Variants in TASP1 observed in about 807,000 individuals in gnomAD.
TASP1 encodes taspase 1.
Under a neutral mutation model 56.6 loss-of-function variants are expected in TASP1, and 16 were observed. The ratio of observed to expected loss-of-function variants is 0.28; its 90% CI spans 0.19 to 0.43. The LOEUF (loss-of-function observed/expected upper bound fraction) is 0.43, where lower values mean the gene tolerates loss of function less well. Among genes scored for constraint, TASP1 ranks in the 20% least tolerant of loss-of-function variants. The pLI is 1.00. For missense variants in TASP1, 393 were observed against 511.6 expected (o/e 0.77, Z 2.24); for synonymous variants, 179 against 184.2 (o/e 0.97, Z 0.23).
Position 13,437,770 on chromosome 20 carries a change from G to A in TASP1, c.986-2616C>T, listed in dbSNP as rs574170169. The stretch of plus-strand genomic sequence containing the variant: ...AACTCCCATTCACAATTGCTTCAGA[G>A]AGAATAAAATACCTAGGAATACAAC... On this transcript the variant is annotated intron_variant, in intron 11 of 13. Coordinates refer to ENST00000337743, the MANE Select transcript of TASP1 (RefSeq NM_017714.3). Among the ~76,000 whole-genome samples, 4 of 152,312 alleles carry A rather than the reference G, an allele frequency of 2.6e-5. No individual in the cohort carries two copies. The South Asian group carries it at 8.3e-4, about 32-fold the overall frequency.
Position 13,604,631 on chromosome 20 carries a change from G to A in TASP1, c.283-17261C>T, listed in dbSNP as rs146936805. The stretch of plus-strand genomic sequence containing the variant: ...CAGCTATCACAATAGTTCCTCCCTT[G>A]AATAAAGTCTGCCTTACCACCTTTC... On this transcript the variant is annotated intron_variant, in intron 4 of 13. Coordinates refer to ENST00000337743, the MANE Select transcript of TASP1 (RefSeq NM_017714.3). Among the ~76,000 whole-genome samples, 287 of 152,150 alleles carry A rather than the reference G, an allele frequency of 1.9e-3. 1 individual carries two copies. Among genetic ancestry groups the A allele is most frequent in the African/African-American group, 6.7e-3 (277 of 41,510 alleles).
intron 4 of TASP1, among the ~76,000 whole-genome samples, chr20:13,600,125 T>C (rs1425020001): frequency 4.6e-5 from 7 of 152,198 alleles, no homozygotes; most frequent in Non-Finnish European, 8.8e-5. Context: ...TTGAGAGATA[T>C]TTTTTAAATC....
At chr20:13,519,924 T>A (rs8120175) in intron 10 of TASP1, among the ~76,000 whole-genome samples, 6,978 of 152,248 alleles carry the variant, frequency 0.046, 289 homozygotes, top group African/African-American at 0.1. Context: ...TTCAGCAAAG[T>A]CTCAGGATAC....
intron 11 of TASP1, among the ~76,000 whole-genome samples, chr20:13,469,985 T>A (rs1265884850): frequency 1.3e-5 from 2 of 151,740 alleles, no homozygotes; most frequent in African/African-American, 4.8e-5. Context: ...ATTCTTGTAT[T>A]TTTAGTAGAG....
At chr20:13,527,566 C>T (rs2045030719) in intron 10 of TASP1, among the ~76,000 whole-genome samples, 1 of 152,104 alleles carries the variant, frequency 6.6e-6, no homozygotes, top group Non-Finnish European at 1.5e-5. Flanking sequence ...ACCATTCTGC[C>T]TATTAAAACT....
chr20:13,567,948 A>G (rs2046592804), intron 7 of TASP1, among the ~76,000 whole-genome samples: 1 of 152,146 alleles, frequency 6.6e-6, no homozygotes, highest in Non-Finnish European at 1.5e-5. Flanking sequence ...AAAAAAAGGG[A>G]ACTGACAGAT....
chr20:13,404,408 C>T (rs935053286), intron 13 of TASP1, among the ~76,000 whole-genome samples: 1 of 152,074 alleles, frequency 6.6e-6, no homozygotes, highest in African/African-American at 2.4e-5. Flanking sequence ...TTTGAGATTA[C>T]GCCAGCCTGG....
chr20:13,590,354 A>G (rs1235050088), intron 4 of TASP1, among the ~76,000 whole-genome samples: 1 of 152,222 alleles, frequency 6.6e-6, no homozygotes, highest in African/African-American at 2.4e-5. Flanking sequence ...ATAACAACAC[A>G]TGTTGGGAAG....
the TASP1 span, among the ~76,000 whole-genome samples, chr20:13,354,106 G>C: frequency 6.6e-6 from 1 of 151,930 alleles, no homozygotes; most frequent in African/African-American, 2.4e-5. Flanking sequence ...TCATTTTTTT[G>C]AAATCAATAG....
chr20:13,539,821 G>C (rs1307579557), intron 8 of TASP1, among the ~76,000 whole-genome samples: 1 of 152,124 alleles, frequency 6.6e-6, no homozygotes, highest in South Asian at 2.1e-4. Flanking sequence ...AACATTAAAG[G>C]TGGAAAAGGC....
chr20:13,511,859 G>T (rs1057211102), intron 10 of TASP1, among the ~76,000 whole-genome samples: 27 of 149,834 alleles, frequency 1.8e-4, no homozygotes, highest in African/African-American at 6.4e-4. Flanking sequence ...TGAGGTGTTT[G>T]GTTTTTTGTC....
chr20:13,193,397 G>A, the TASP1 span, among the ~76,000 whole-genome samples: 1 of 152,194 alleles, frequency 6.6e-6, no homozygotes, highest in South Asian at 2.1e-4. Flanking sequence ...TACAATAAAG[G>A]CACAATAGAA....
At chr20:13,118,903 CAG>C in the TASP1 span, among the ~76,000 whole-genome samples, 1 of 152,244 alleles carries the variant, frequency 6.6e-6, no homozygotes, top group African/African-American at 2.4e-5. Flanking sequence ...TTAAAATGTT[CAG>C]AGTTTTAAGT....
Position 13,528,461 on chromosome 20 carries a change from G to A in TASP1, c.846C>T (p.Asn282=). 6.2e-7 allele frequency: 1 copy of A among 1,611,408 alleles called. No homozygotes were observed. The highest frequency in any genetic ancestry group is 8.5e-7 in the Non-Finnish European group (1 of 1,178,494). The change falls in exon 10 of 14, where the codon AAC becomes AAT. Residue 282 remains asparagine (N), a synonymous_variant. Transcript: ENST00000337743. ...GCWAENTGAH[N]PYSTAVSTSG... Reference sequence around the variant, plus strand: ...AGGTACTCACAGCTGTGGAGTAGGGGTTATGAGCTCCAGTATTTTCAGCCC... The same window carrying A: ...AGGTACTCACAGCTGTGGAGTAGGGATTATGAGCTCCAGTATTTTCAGCCC...
At chr20:13,275,274 C>T in the TASP1 span, among the ~76,000 whole-genome samples, 1 of 152,136 alleles carries the variant, frequency 6.6e-6, no homozygotes, top group African/African-American at 2.4e-5. Context: ...GCCTCTTGAG[C>T]GCCACAAGAT....
chr20:13,398,059 T>C lies in TASP1; in HGVS notation c.1171-7607A>G, dbSNP rs185355818. ...CCAGATAACATGAATCTTACTATAG[T>C]TTGAAAAGAGCATCTTCTATTTGAA... On this transcript the variant is annotated intron_variant, in intron 13 of 13. Transcript: ENST00000337743. Among the ~76,000 whole-genome samples the C allele has an allele frequency of 2.0e-5, 3 of 152,210 alleles. No individual in the cohort carries two copies. The East Asian group carries it at 5.8e-4, about 29-fold the overall frequency.
At chr20:13,403,349 CT>C (rs1311374467) in intron 13 of TASP1, among the ~76,000 whole-genome samples, 2 of 152,032 alleles carry the variant, frequency 1.3e-5, no homozygotes, top group Non-Finnish European at 2.9e-5. Context: ...TAAATGCCAC[CT>C]TTGGGAGCAT....
the TASP1 span, among the ~76,000 whole-genome samples, chr20:13,359,483 G>A: frequency 1.6e-4 from 24 of 151,416 alleles, no homozygotes; most frequent in African/African-American, 4.9e-4. Flanking sequence ...CACGGATGCC[G>A]AGCTTCGGGT....
chr20:13,499,630 A>C (rs2043870296), intron 10 of TASP1, among the ~76,000 whole-genome samples: 1 of 152,136 alleles, frequency 6.6e-6, no homozygotes, highest in Admixed American at 6.6e-5. Context: ...TCAAGAGTTG[A>C]GGATGGTGGA....
Sources: gnomAD v4.1 joint callset for allele counts (sites outside exome capture counted in the v4.1 genomes callset) on GRCh38, gnomAD v4.1.1 for gene constraint, MANE v1.5 for transcripts, NCBI Gene and HGNC (gene_info 2026-07-23, HGNC 2026-07-21) for gene names.